The following C6 variants were observed in gnomAD, a reference collection of about 807,000 sequenced individuals.
C6 encodes the protein complement C6.
Under a neutral mutation model 112.9 loss-of-function variants are expected in C6, and 101 were observed. The ratio of observed to expected loss-of-function variants is 0.89; its 90% confidence interval spans 0.76 to 1.06. The LOEUF is 1.06. C6 is among the 50% of genes least tolerant of loss of function. The pLI, the probability that C6 is intolerant of heterozygous loss-of-function variation, is 0.00. For synonymous variants in C6, 431 were observed against 384.1 expected (o/e 1.12, Z -1.43); for missense variants, 1,202 against 1,104.6 (o/e 1.09, Z -1.25).
At chr5:41,205,759 G>A (rs572866751) in intron 1 of C6, among the ~76,000 whole-genome samples, 1 of 152,330 alleles carries the variant, frequency 6.6e-6, no homozygotes, top group East Asian at 1.9e-4. Flanking sequence ...AGCTCAAGGA[G>A]GCCTGCCTGC....
In C6 at chr5:41,149,220, A is replaced by G. The variant is rs763887767; in HGVS notation, c.2623+21T>C. ...TGAAGGTTAAGTGAGAGCATTTAGT[A>G]TGGTCACCATTGGAACTTACCTGAA... On this transcript the variant is annotated intron_variant, in intron 17 of 17. Coordinates refer to ENST00000337836, the MANE Select transcript of C6 (RefSeq NM_000065.5). 4.3e-6 allele frequency: 7 copies of G among 1,613,624 alleles called. No homozygotes were observed. The East Asian group carries it at 1.1e-4, about 26-fold the overall frequency.
intron 1 of C6, among the ~76,000 whole-genome samples, chr5:41,238,577 A>C (rs1740480227): frequency 6.6e-6 from 1 of 152,228 alleles, no homozygotes; most frequent in African/African-American, 2.4e-5. Context: ...GAAGAGACAA[A>C]GGGTTCAGGA....
chr5:41,221,914 C>A lies in C6; in HGVS notation c.-20-18664G>T, dbSNP rs374624716. ...GCGTGGTGGCTCACACCTGTAATCC[C>A]AGCACTTTGGGAGGCCAAGGCAGGT... On this transcript the variant is annotated intron_variant, in intron 1 of 17. Transcript: ENST00000263413. Among the ~76,000 whole-genome samples, 34 of 152,172 alleles carry A rather than the reference C, an allele frequency of 2.2e-4. No individual in the cohort carries two copies. In the South Asian group the frequency reaches 2.3e-3, roughly 10 times the overall value.
At chr5:41,164,717 A>C (rs1383340550) in intron 9 of C6, among the ~76,000 whole-genome samples, 5 of 152,178 alleles carry the variant, frequency 3.3e-5, no homozygotes, top group Admixed American at 3.3e-4. Context: ...TCTTGTTCCT[A>C]CAGGCTGAAA....
intron 5 of C6, among the ~76,000 whole-genome samples, chr5:41,189,388 G>A (rs1750026270): frequency 6.6e-6 from 1 of 152,010 alleles, no homozygotes; most frequent in East Asian, 1.9e-4. Flanking sequence ...TTCATTAGCT[G>A]ATGAATGAAT....
Position 41,176,623 on chromosome 5 carries a change from T to C in C6, c.1020A>G (p.Lys340=). Residue 340 remains lysine, a synonymous_variant, in exon 8 of 18, where the codon AAA becomes AAG. Transcript: ENST00000337836. ...ATTCTAGAGGCAGATGGTTAAGTGC[T>C]TTCAAAAAGACATCAGAAAGGTGCA... The part of the protein sequence containing the change: ...KDLHLSDVFL[K]ALNHLPLEYN... 1 of 1,613,938 alleles carries C rather than the reference T, an allele frequency of 6.2e-7. No individual in the cohort carries two copies. Among genetic ancestry groups the C allele is most frequent in the Non-Finnish European group, 8.5e-7 (1 of 1,179,888 alleles).
At chr5:41,210,182 G>C (rs1580201479) in intron 1 of C6, among the ~76,000 whole-genome samples, 1 of 152,274 alleles carries the variant, frequency 6.6e-6, no homozygotes, top group East Asian at 1.9e-4. Flanking sequence ...AGCTGAAACT[G>C]GATCCCTTCC....
chr5:41,215,997 T>C (rs1457617953), upstream of C6, among the ~76,000 whole-genome samples: 1 of 152,142 alleles, frequency 6.6e-6, no homozygotes, highest in Admixed American at 6.6e-5. Context: ...CAGAGTGTGC[T>C]TTGTCAGTCA....
chr5:41,147,819 A>C lies in C6; in HGVS notation c.2623+1422T>G, dbSNP rs1252990653. Among the ~76,000 whole-genome samples the C allele has an allele frequency of 3.9e-5, 6 of 152,176 alleles. No individual in the cohort carries two copies. In the East Asian group the frequency reaches 1.2e-3, roughly 29 times the overall value. On this transcript the variant is annotated intron_variant, in intron 17 of 17. Transcript: ENST00000337836. The stretch of plus-strand genomic sequence containing the variant: ...CAGGGTCAAACTTCATCTTGGAGCA[A>C]ATGTACTGCTGTGAAGTCCCTGCCT...
chr5:41,172,341 G>C lies in C6; in HGVS notation c.1175C>G (p.Thr392Ser), dbSNP rs201520273. Residue 392 changes from threonine to serine, a missense_variant, in exon 9 of 18, where the codon ACC (threonine) becomes AGC (serine). By Grantham distance (58) the Thr-to-Ser change is moderately conservative. Coordinates refer to ENST00000337836, the MANE Select transcript of C6 (RefSeq NM_000065.5). ...GACACAGTGTTTGGCTTCTTCCTCGGTTAAACCTAGGAGATGAAGTACAAA... is the reference window on the plus strand; with the variant it reads ...GACACAGTGTTTGGCTTCTTCCTCGCTTAAACCTAGGAGATGAAGTACAAA... ...SSEELKNSGLTEEEAKHCVRI... is the reference protein window; with the variant it reads ...SSEELKNSGLSEEEAKHCVRI... The C allele has an allele frequency of 2.0e-5, 32 of 1,613,330 alleles. No homozygotes were observed. Among genetic ancestry groups the C allele is most frequent in the Admixed American group, 3.3e-5 (2 of 59,904 alleles).
At position 41,230,106 on chromosome 5, in the gene C6, G is replaced by T. The variant is rs574248728; in HGVS notation, c.-20-26856C>A. The stretch of plus-strand genomic sequence containing the variant: ...GTCTTTACTTTAATCTCATAATCAC[G>T]TTATCTTTGTAAGCTGAGAATGTAC... On this transcript the variant is annotated intron_variant, in intron 1 of 17. Coordinates refer to the C6 transcript ENST00000263413. 1.6e-4 allele frequency among the ~76,000 whole-genome samples: 25 copies of T among 151,932 alleles called. No homozygotes were observed. The Middle Eastern group carries it at 0.014, about 83-fold the overall frequency.
chr5:41,222,195 A>G (rs1271522248), intron 1 of C6, among the ~76,000 whole-genome samples: 1 of 151,616 alleles, frequency 6.6e-6, no homozygotes, highest in Non-Finnish European at 1.5e-5. Context: ...AAGAAAAGTA[A>G]TTTTGTAATT....
intron 5 of C6, among the ~76,000 whole-genome samples, chr5:41,188,755 G>T (rs1424366521): frequency 6.6e-6 from 1 of 151,942 alleles, no homozygotes; most frequent in East Asian, 1.9e-4. Flanking sequence ...TTCAACAAAA[G>T]AAGAAATAAA....
At chr5:41,167,120 T>C (rs943536469) in intron 9 of C6, among the ~76,000 whole-genome samples, 4 of 152,082 alleles carry the variant, frequency 2.6e-5, no homozygotes, top group African/African-American at 7.2e-5. Context: ...GGGCTTTCTA[T>C]ATATACAGCC....
intron 1 of C6, among the ~76,000 whole-genome samples, chr5:41,210,039 A>G (rs989374052): frequency 2.6e-4 from 39 of 152,184 alleles, no homozygotes; most frequent in African/African-American, 9.2e-4. Context: ...ATGGAACAGA[A>G]CAGAGCCCTC....
intron 1 of C6, among the ~76,000 whole-genome samples, chr5:41,239,877 A>G (rs1377342570): frequency 6.6e-6 from 1 of 152,076 alleles, no homozygotes; most frequent in South Asian, 2.1e-4. Flanking sequence ...ACTTTGCTGG[A>G]TATAGTGTCC....
intron 1 of C6, among the ~76,000 whole-genome samples, chr5:41,238,645 G>T (rs1740485045): frequency 6.6e-6 from 1 of 152,134 alleles, no homozygotes; most frequent in Non-Finnish European, 1.5e-5. Flanking sequence ...ATTAACACTT[G>T]CAGCATTTGA....
rs529234037 is a variant in C6, at chr5:41,142,482, G to A, written c.*343C>T. The A allele has an allele frequency of 8.1e-4, 231 of 286,158 alleles. No individual in the cohort carries two copies. Among genetic ancestry groups the A allele is most frequent in the African/African-American group, 4.3e-3 (201 of 47,096 alleles). The allele number at this position is 286,158 out of a possible 1,614,324, so 17.7% of individuals were successfully genotyped here. ...ATTAACTCATTGAAGAAAATTATGG[G>A]TTTTATTCTTATTTCTAATTGCGAG... On this transcript the variant is annotated 3_prime_UTR_variant, in exon 18 of 18. Coordinates refer to ENST00000337836, the MANE Select transcript of C6 (RefSeq NM_000065.5).
Position 41,213,513 on chromosome 5 carries a change from C to T in C6, c.-158G>A. Reference sequence around the variant, plus strand: ...TATTGCTAGCTAACACAAGGCAATGCTGTCATATCCCAGAAGCCTAGCAAC... The same window carrying T: ...TATTGCTAGCTAACACAAGGCAATGTTGTCATATCCCAGAAGCCTAGCAAC... On this transcript the variant is annotated 5_prime_UTR_variant, in exon 1 of 18. Coordinates refer to ENST00000337836, the MANE Select transcript of C6 (RefSeq NM_000065.5). 4 of 985,274 alleles carry T rather than the reference C, an allele frequency of 4.1e-6. No individual in the cohort carries two copies. The South Asian group carries it at 1.4e-4, about 35-fold the overall frequency. The allele number at this position is 985,274 out of a possible 1,614,324, so 61.0% of individuals were successfully genotyped here. A position where few individuals can be genotyped will look rare whatever the true frequency, so the allele number is the denominator to read the frequency against.
Sources: gnomAD v4.1 joint callset for allele counts (sites outside exome capture counted in the v4.1 genomes callset) on GRCh38, gnomAD v4.1.1 for gene constraint, MANE v1.5 for transcripts, NCBI Gene and HGNC (gene_info 2026-07-23, HGNC 2026-07-21) for gene names.